ZNF248: variants seen among roughly 807,000 people sequenced by gnomAD.
ZNF248 encodes KRAB protein domain.
A neutral mutation model predicts 44.3 loss-of-function variants in ZNF248; 20 were observed. That is an observed-to-expected ratio of 0.45 (90% CI 0.32 to 0.66). The LOEUF is 0.66. Among genes scored for constraint, ZNF248 ranks in the 30% least tolerant of loss-of-function variants. ZNF248 has a pLI of 0.04. For synonymous variants in ZNF248, 224 were observed against 229.0 expected, an observed-to-expected ratio of 0.98 and a Z score of 0.20; for missense variants, 654 against 677.0, an observed-to-expected ratio of 0.97 and a Z score of 0.38.
intron 3 of ZNF248, among the ~76,000 whole-genome samples, chr10:37,845,314 G>A (rs115684988): frequency 7.9e-5 from 12 of 151,200 alleles, no homozygotes; most frequent in Admixed American, 5.3e-4. Context: ...CACCATGCTC[G>A]GCCACCTTTA....
chr10:37,831,744 T>C lies in ZNF248; in HGVS notation c.1611A>G (p.Lys537=). 1.2e-6 allele frequency: 2 copies of C among 1,612,864 alleles called. No individual in the cohort carries two copies. Among genetic ancestry groups the C allele is most frequent in the Non-Finnish European group, 1.7e-6 (2 of 1,179,090 alleles). ...TCTCCCCTGTGTGAGTCCTCTGATG[T>C]TTAGTGAGAGCTGATTTTTCACAGA... The part of the protein sequence containing the change: ...KTFCEKSALT[K]HQRTHTGEKP... Residue 537 remains lysine (K), a synonymous_variant, in exon 6 of 6, where the codon AAA becomes AAG. Coordinates refer to ENST00000395867, the MANE Select transcript of ZNF248 (RefSeq NM_021045.3).
chr10:37,815,245 T>A (rs891350546), intron 6 of ZNF248, among the ~76,000 whole-genome samples: 1 of 152,092 alleles, frequency 6.6e-6, no homozygotes, highest in African/African-American at 2.4e-5. Context: ...TTTTGTACTT[T>A]TAGTAGAGAC....
At chr10:37,790,999 G>A (rs944539933) in intron 6 of ZNF248, among the ~76,000 whole-genome samples, 2 of 137,584 alleles carry the variant, frequency 1.5e-5, no homozygotes, top group African/African-American at 5.3e-5. Flanking sequence ...CCTTGGGGCT[G>A]AAAAATGGTC....
At chr10:37,840,469 C>A (rs1402937626) in intron 3 of ZNF248, among the ~76,000 whole-genome samples, 1 of 151,988 alleles carries the variant, frequency 6.6e-6, no homozygotes, top group Non-Finnish European at 1.5e-5. Context: ...AAATGAGATA[C>A]CATAATATTT....
intron 6 of ZNF248, among the ~76,000 whole-genome samples, chr10:37,813,715 T>C (rs1432992060): frequency 6.6e-6 from 1 of 152,232 alleles, no homozygotes; most frequent in Non-Finnish European, 1.5e-5. Context: ...AGTATGCCAC[T>C]AGTAGTTACA....
At chr10:37,759,565 AT>A in the ZNF248 span, among the ~76,000 whole-genome samples, 1 of 152,248 alleles carries the variant, frequency 6.6e-6, no homozygotes, top group African/African-American at 2.4e-5. Context: ...GCCTTAATCC[AT>A]TCATCTCTGT....
Position 37,832,714 on chromosome 10 carries a change from A to C in ZNF248, c.641T>G (p.Phe214Cys). The C allele has an allele frequency of 6.2e-7, 1 of 1,613,646 alleles. No individual in the cohort carries two copies. The highest frequency in any genetic ancestry group is 8.5e-7 in the Non-Finnish European group (1 of 1,179,892). ...DLSQPSFGQS[F>C]EYSKNGQGFH... Reference sequence around the variant, plus strand: ...GCCTTGTCCATTTTTACTATACTCAAAAGATTGGCCAAAACTTGGCTGACT... The same window carrying C: ...GCCTTGTCCATTTTTACTATACTCACAAGATTGGCCAAAACTTGGCTGACT... The change falls in exon 6 of 6, where the codon TTT becomes TGT. Residue 214 changes from phenylalanine (F) to cysteine (C), a missense_variant. Coordinates refer to ENST00000395867, the MANE Select transcript of ZNF248 (RefSeq NM_021045.3).
chr10:37,818,879 CA>C, intron 6 of ZNF248: 1 of 1,054,512 alleles, frequency 9.5e-7, no homozygotes. Context: ...TGGTTATAGC[CA>C]AAAGGCTTCC....
the ZNF248 span, among the ~76,000 whole-genome samples, chr10:37,765,234 G>A: frequency 2.0e-5 from 3 of 152,256 alleles, no homozygotes; most frequent in South Asian, 6.2e-4. Context: ...TGGGATTATA[G>A]GTGTGAGCCA....
At position 37,832,202 on chromosome 10, in the gene ZNF248, A is replaced by G. The variant is rs770208206; in HGVS notation, c.1153T>C (p.Cys385Arg). The G allele has an allele frequency of 6.2e-7, 1 of 1,614,138 alleles. No homozygotes were observed. The highest frequency in any genetic ancestry group is 1.7e-5 in the Admixed American group (1 of 60,012). ...GACTTCTCCCAGAAGGTTTTCCCAC[A>G]TTCACCACATTCAAAGGTTTTTTCT... ...TGEKTFECGECGKTFWEKSNL... is the reference protein window; with the variant it reads ...TGEKTFECGERGKTFWEKSNL... Residue 385 changes from cysteine (C) to arginine (R), a missense_variant, in exon 6 of 6, where the codon TGT (cysteine) becomes CGT (arginine). By Grantham distance (180) the Cys-to-Arg change is radical. Coordinates refer to ENST00000395867, the MANE Select transcript of ZNF248 (RefSeq NM_021045.3).
chr10:37,818,283 G>T (rs2052873625), intron 6 of ZNF248, among the ~76,000 whole-genome samples: 1 of 152,054 alleles, frequency 6.6e-6, no homozygotes, highest in African/African-American at 2.4e-5. Flanking sequence ...CCGTGAGTCT[G>T]CATGTTTTCA....
intron 5 of ZNF248, among the ~76,000 whole-genome samples, chr10:37,837,096 A>G (rs2057368739): frequency 6.6e-6 from 1 of 151,952 alleles, no homozygotes; most frequent in Non-Finnish European, 1.5e-5. Flanking sequence ...AAAAAAAAAA[A>G]AAAGTGTTTG....
At chr10:37,818,924 C>T (rs2053004967) in intron 6 of ZNF248, 4 of 1,103,966 alleles carry the variant, frequency 3.6e-6, no homozygotes, top group East Asian at 5.0e-5. Context: ...ATCACACCCA[C>T]CGACCACACA....
At chr10:37,851,510 C>T (rs779488712) in intron 3 of ZNF248, among the ~76,000 whole-genome samples, 55 of 152,058 alleles carry the variant, frequency 3.6e-4, no homozygotes, top group Non-Finnish European at 7.4e-5. Flanking sequence ...TTCAAAGCCA[C>T]CTCTTTGTGA....
intron 3 of ZNF248, among the ~76,000 whole-genome samples, chr10:37,855,896 C>T (rs761799940): frequency 1.3e-5 from 2 of 152,216 alleles, no homozygotes; most frequent in Non-Finnish European, 2.9e-5. Context: ...GACATGCAGT[C>T]CCTCCATTCC....
intron 6 of ZNF248, among the ~76,000 whole-genome samples, chr10:37,788,096 C>T (rs2133014143): frequency 6.7e-6 from 1 of 149,608 alleles, no homozygotes; most frequent in East Asian, 2.0e-4. Flanking sequence ...TGGTAAAACC[C>T]CATCTCTACT....
Position 37,856,509 on chromosome 10 carries a change from ATTGAT to A in ZNF248, c.-107_-103del, listed in dbSNP as rs1202164569. The A allele has an allele frequency of 1.6e-6, 2 of 1,231,460 alleles. No individual in the cohort carries two copies. The highest frequency in any genetic ancestry group is 1.5e-5 in the African/African-American group (1 of 65,018). The allele number at this position is 1,231,460 out of a possible 1,614,324, so 76.3% of individuals were successfully genotyped here. ...CACTGAGTGAATGTAAATATTTCTTATTGATTTATTACCAATTTAGGTTCTGTGAC... is the reference window on the plus strand; with the variant it reads ...CACTGAGTGAATGTAAATATTTCTTATTATTACCAATTTAGGTTCTGTGAC... On this transcript the variant is annotated 5_prime_UTR_variant, in exon 2 of 6. Coordinates refer to ENST00000395867, the MANE Select transcript of ZNF248 (RefSeq NM_021045.3).
chr10:37,793,061 C>T (rs2048745102), intron 6 of ZNF248, among the ~76,000 whole-genome samples: 1 of 152,060 alleles, frequency 6.6e-6, no homozygotes, highest in Admixed American at 6.6e-5. Flanking sequence ...TGGCCGGGCG[C>T]GGTGGCTCAC....
intron 6 of ZNF248, among the ~76,000 whole-genome samples, chr10:37,811,603 A>G (rs2051508653): frequency 6.7e-6 from 1 of 149,790 alleles, no homozygotes. Flanking sequence ...GGGAGGCAGA[A>G]GTGGACAGAC....
Sources: gnomAD v4.1 joint callset for allele counts (sites outside exome capture counted in the v4.1 genomes callset) on GRCh38, gnomAD v4.1.1 for gene constraint, MANE v1.5 for transcripts, NCBI Gene and HGNC (gene_info 2026-07-23, HGNC 2026-07-21) for gene names.